PEAK1: variants seen among roughly 807,000 people sequenced by gnomAD.
PEAK1 encodes pseudopodium enriched atypical kinase 1, also known as inactive tyrosine-protein kinase PEAK1.
A neutral mutation model predicts 124.7 loss-of-function variants in PEAK1; 54 were observed. The observed-to-expected ratio is 0.43, with a 90% CI of 0.35 to 0.54. The LOEUF is 0.54. Ranked by LOEUF, PEAK1 falls within the 20% of genes least tolerant of loss-of-function variation. The probability of loss-of-function intolerance (pLI) is 0.01; values close to 1 mark genes in which losing one functional copy is unlikely to be tolerated. For synonymous variants in PEAK1, 719 were observed against 760.0 expected (o/e 0.95, Z 0.89); for missense variants, 2,046 against 2,134.5 (o/e 0.96, Z 0.82).
At chr15:77,191,772 T>C (rs553278088) in intron 6 of PEAK1, among the ~76,000 whole-genome samples, 2 of 152,190 alleles carry the variant, frequency 1.3e-5, no homozygotes, top group African/African-American at 2.4e-5. Flanking sequence ...AAAGGTAATG[T>C]AGTTGTTTCA....
chr15:77,246,835 T>C (rs533682380), intron 6 of PEAK1, among the ~76,000 whole-genome samples: 13 of 152,108 alleles, frequency 8.5e-5, no homozygotes, highest in African/African-American at 2.4e-4. Flanking sequence ...CTGGCCAACA[T>C]AGTGAAGCCT....
At chr15:77,337,710 T>A in intron 2 of PEAK1, 1 of 985,320 alleles carries the variant, frequency 1.0e-6, no homozygotes, top group Non-Finnish European at 1.2e-6. Context: ...TAACCCTTTA[T>A]TATTATAGCA....
chr15:77,175,389 C>T (rs2056790454), intron 7 of PEAK1, among the ~76,000 whole-genome samples: 1 of 151,690 alleles, frequency 6.6e-6, no homozygotes, highest in South Asian at 2.1e-4. Flanking sequence ...CTACAATGAA[C>T]TCAAACAAAT....
rs151111836 is a variant in PEAK1 at position 77,372,006 on chromosome 15, G to GA, written c.-665-6782dup. On this transcript the variant is annotated intron_variant, in intron 1 of 9. Transcript: ENST00000682557. ...ACTCATTGAGTTGAACAGTCATAGA[G>GA]AAAATGTTTTCTCTGCTCTCCATGA... Among the ~76,000 whole-genome samples, 637 of 152,314 alleles carry GA rather than the reference G, an allele frequency of 4.2e-3. 6 individuals are homozygous for GA. Among genetic ancestry groups the GA allele is most frequent in the African/African-American group, 0.015 (605 of 41,566 alleles).
Position 77,133,008 on chromosome 15 carries a change from G to T in PEAK1, c.4074C>A (p.Val1358=). Residue 1358 remains valine, a synonymous_variant, in exon 9 of 10, where the codon GTC becomes GTA. Transcript: ENST00000682557. This position sits in a 1 kb window ranked among gnomAD's most constrained non-coding sequence, Gnocchi z 4.2. ...GAGATTTATAATATTTTCTTACCTT[G>T]ACTGCATAGTTATTAAGTGGATCTT... ...YAKDPLNNYA[V]KICKSKAKES... The T allele has an allele frequency of 6.2e-7, 1 of 1,603,632 alleles. No individual in the cohort carries two copies. The highest frequency in any genetic ancestry group is 1.1e-5 in the South Asian group (1 of 90,622).
intron 6 of PEAK1, among the ~76,000 whole-genome samples, chr15:77,196,536 T>A (rs1381038181): frequency 6.6e-6 from 1 of 152,170 alleles, no homozygotes; most frequent in East Asian, 1.9e-4. Flanking sequence ...TTGAAGGCAC[T>A]GAAAACTGAG....
rs1345990496 is a variant in PEAK1, at chr15:77,122,282, T to C, written c.4078-6963A>G. On this transcript the variant is annotated intron_variant, in intron 9 of 9. Transcript: ENST00000682557. ...TGCCCAAGAAAGTGATTTTGGATCC[T>C]AGAAGAGAAATTCAAGAAGGTAACT... 2.6e-5 allele frequency among the ~76,000 whole-genome samples: 4 copies of C among 152,184 alleles called. No individual in the cohort carries two copies. The East Asian group carries it at 5.8e-4, about 22-fold the overall frequency.
chr15:77,167,492 TCTTAA>T (rs1397789039), intron 7 of PEAK1, among the ~76,000 whole-genome samples: 1 of 152,232 alleles, frequency 6.6e-6, no homozygotes, highest in Non-Finnish European at 1.5e-5. Flanking sequence ...CATGAACTCA[TCTTAA>T]CTTTAGGAAA....
chr15:77,222,388 A>G (rs192114508), intron 6 of PEAK1, among the ~76,000 whole-genome samples: 21 of 152,174 alleles, frequency 1.4e-4, no homozygotes, highest in African/African-American at 5.1e-4. Flanking sequence ...AATGCCTACT[A>G]TAATGCAGAC....
intron 3 of PEAK1, among the ~76,000 whole-genome samples, chr15:77,285,712 T>C (rs2062891343): frequency 6.6e-6 from 1 of 152,156 alleles, no homozygotes; most frequent in Admixed American, 6.6e-5. Context: ...ATATCCCCTA[T>C]GTCATTTTTT....
intron 1 of PEAK1, among the ~76,000 whole-genome samples, chr15:77,405,251 G>A (rs145101114): frequency 0.03 from 4,568 of 151,990 alleles, 112 homozygotes; most frequent in Non-Finnish European, 0.048. Context: ...TGATCTGCCC[G>A]CCTCAGCCTC....
intron 3 of PEAK1, among the ~76,000 whole-genome samples, chr15:77,285,817 A>AT (rs1317216339): frequency 6.6e-6 from 1 of 151,900 alleles, no homozygotes; most frequent in African/African-American, 2.4e-5. Context: ...TCCTGCATTC[A>AT]TTGATTTTTT....
At chr15:77,131,490 T>TCAAAA (rs1448769709) in intron 9 of PEAK1, among the ~76,000 whole-genome samples, 145 of 152,000 alleles carry the variant, frequency 9.5e-4, no homozygotes, top group African/African-American at 3.2e-3. Context: ...AGACTCCATC[T>TCAAAA]CAAAACAAAA....
At chr15:77,349,745 T>C (rs921193008) in intron 2 of PEAK1, 1 of 985,134 alleles carries the variant, frequency 1.0e-6, no homozygotes, top group Non-Finnish European at 1.2e-6. Flanking sequence ...ATTCTTAGAC[T>C]TAAGTTGAGA....
intron 9 of PEAK1, among the ~76,000 whole-genome samples, chr15:77,129,671 C>T (rs1414115853): frequency 1.3e-5 from 2 of 150,070 alleles, no homozygotes; most frequent in Non-Finnish European, 2.9e-5. Flanking sequence ...GTCTCCATCT[C>T]CTGATCTCAG....
At chr15:77,217,329 G>T in intron 6 of PEAK1, among the ~76,000 whole-genome samples, 1 of 152,050 alleles carries the variant, frequency 6.6e-6, no homozygotes, top group East Asian at 1.9e-4. Flanking sequence ...GCAAAAGTGG[G>T]CTGGTAGACA....
At chr15:77,390,032 T>C (rs1411341017) in intron 1 of PEAK1, among the ~76,000 whole-genome samples, 1 of 152,250 alleles carries the variant, frequency 6.6e-6, no homozygotes, top group African/African-American at 2.4e-5. Context: ...TTAACCCTCA[T>C]AACAACCCTA....
At chr15:77,251,796 A>G (rs1177430793) in intron 6 of PEAK1, among the ~76,000 whole-genome samples, 1 of 152,182 alleles carries the variant, frequency 6.6e-6, no homozygotes, top group Non-Finnish European at 1.5e-5. Context: ...GCCTCTTTCC[A>G]TGGTAATGAC....
At chr15:77,177,417 G>C (rs540847585) in intron 7 of PEAK1, among the ~76,000 whole-genome samples, 5 of 152,192 alleles carry the variant, frequency 3.3e-5, no homozygotes, top group African/African-American at 1.2e-4. Flanking sequence ...AGACTTGTTA[G>C]CATTTTGACA....
Sources: gnomAD v4.1 joint callset for allele counts (sites outside exome capture counted in the v4.1 genomes callset) on GRCh38, gnomAD v4.1.1 for gene constraint, Gnocchi (gnomAD v3.1) non-coding constraint, MANE v1.5 for transcripts, NCBI Gene and HGNC (gene_info 2026-07-23, HGNC 2026-07-21) for gene names.